The following UMODL1 variants were observed in gnomAD, a reference collection of about 807,000 sequenced individuals.
UMODL1 encodes uromodulin like 1.
Under a neutral mutation model 136.3 loss-of-function variants are expected in UMODL1, and 128 were observed. The ratio of observed to expected loss-of-function variants is 0.94; its 90% CI spans 0.81 to 1.09. The LOEUF (loss-of-function observed/expected upper bound fraction) is 1.09. Among genes scored for constraint, UMODL1 ranks in the 50% least tolerant of loss-of-function variants. The pLI, the probability that UMODL1 is intolerant of heterozygous loss-of-function variation, is 0.00. For missense variants in UMODL1, 1,766 were observed against 1,725.6 expected (o/e 1.02, Z -0.41); for synonymous variants, 721 against 720.0 (o/e 1.00, Z -0.02).
At chr21:42,069,155 C>T (rs763084298), upstream of UMODL1, among the ~76,000 whole-genome samples, 6 of 151,248 alleles carry the variant, frequency 4.0e-5, no homozygotes, top group Non-Finnish European at 8.8e-5. Flanking sequence ...AAAATCCCTC[C>T]GGCCATCATG....
chr21:42,139,441 T>C (rs2067249971), intron 22 of UMODL1, among the ~76,000 whole-genome samples: 1 of 152,140 alleles, frequency 6.6e-6, no homozygotes, highest in Non-Finnish European at 1.5e-5. Flanking sequence ...TGCTAAATCA[T>C]TTATGAAGGA....
chr21:42,071,217 C>T, upstream of UMODL1: 3 of 1,273,558 alleles, frequency 2.4e-6, no homozygotes, highest in Non-Finnish European at 3.1e-6. Flanking sequence ...GGCCGTTTCT[C>T]CAGGTCCAGG....
chr21:42,079,442 C>T (rs2066334675), intron 2 of UMODL1, among the ~76,000 whole-genome samples: 1 of 152,168 alleles, frequency 6.6e-6, no homozygotes, highest in African/African-American at 2.4e-5. Context: ...AGTGGGCTGC[C>T]CTGGGGAGCT....
intron 21 of UMODL1, among the ~76,000 whole-genome samples, chr21:42,134,980 A>G (rs866256493): frequency 6.6e-6 from 1 of 152,158 alleles, no homozygotes; most frequent in Non-Finnish European, 1.5e-5. Context: ...AGGTTGTTAC[A>G]TAGGTGTACA....
intron 12 of UMODL1, 152 bp downstream of exon 12, chr21:42,111,862 C>A: frequency 1.2e-6 from 1 of 820,338 alleles, no homozygotes; most frequent in Non-Finnish European, 1.8e-6. Context: ...AACGGAGGCA[C>A]CCAGCAGCTG....
intron 21 of UMODL1, among the ~76,000 whole-genome samples, chr21:42,131,013 C>T (rs1013638473): frequency 6.6e-6 from 1 of 152,116 alleles, no homozygotes; most frequent in Admixed American, 6.5e-5. Context: ...CGGAGTTTCA[C>T]TGTGTTAGCC....
In UMODL1 at chr21:42,076,058, A is replaced by G. The variant is rs199664763; in HGVS notation, c.130A>G (p.Thr44Ala). The change falls in exon 2 of 23, where the codon ACT becomes GCT. Residue 44 changes from threonine to alanine, a missense_variant. By Grantham distance (58) the Thr-to-Ala change is moderately conservative. Transcript: ENST00000408910. ...GCTATGCAGCCACCGTGTGACCCAC[A>G]CTGTACAGAAGGTGGAGGCCGTGCA... The part of the protein sequence containing the change: ...YQLCSHRVTH[T>A]VQKVEAVQTS... The G allele has an allele frequency of 6.2e-6, 10 of 1,614,214 alleles. No individual in the cohort carries two copies. In the East Asian group the frequency reaches 2.2e-4, roughly 36 times the overall value.
At chr21:42,084,751 T>A (rs2066405653) in intron 3 of UMODL1, among the ~76,000 whole-genome samples, 1 of 150,254 alleles carries the variant, frequency 6.7e-6, no homozygotes, top group South Asian at 2.1e-4. Context: ...TACATATTAT[T>A]TAATATTTAA....
At position 42,142,893 on chromosome 21, in the gene UMODL1, T is replaced by TA. The variant is rs2067301864; in HGVS notation, c.*823dup. The stretch of plus-strand genomic sequence containing the variant: ...GAATGAATTAGCAAGAAAATGGTTC[T>TA]AAAATCTAAGTATTTTAGTCTAGAA... On this transcript the variant is annotated 3_prime_UTR_variant, in exon 23 of 23. Transcript: ENST00000408910. The TA allele has an allele frequency of 6.6e-6, 1 of 152,254 alleles. No individual in the cohort carries two copies. The highest frequency in any genetic ancestry group is 1.5e-5 in the Non-Finnish European group (1 of 68,048). The allele number at this position is 152,254 out of a possible 1,614,324, so 9.4% of individuals were successfully genotyped here.
chr21:42,134,030 G>A (rs1288715087), intron 21 of UMODL1, among the ~76,000 whole-genome samples: 3 of 152,182 alleles, frequency 2.0e-5, no homozygotes, highest in Admixed American at 1.3e-4. Flanking sequence ...CGATTCTCCT[G>A]TCTCGGCCTC....
chr21:42,095,474 G>A (rs753659070), intron 6 of UMODL1, among the ~76,000 whole-genome samples: 1 of 103,580 alleles, frequency 9.7e-6, no homozygotes, highest in Non-Finnish European at 2.0e-5. Context: ...GTGTGTGTGT[G>A]TGTCTGTGTA....
intron 22 of UMODL1, among the ~76,000 whole-genome samples, chr21:42,140,439 C>T (rs1474995484): frequency 6.6e-6 from 1 of 151,928 alleles, no homozygotes; most frequent in Admixed American, 6.6e-5. Context: ...GGATAGGCCT[C>T]CCAGGTCACA....
chr21:42,140,332 C>T (rs1258032190), intron 22 of UMODL1, among the ~76,000 whole-genome samples: 1 of 111,572 alleles, frequency 9.0e-6, no homozygotes, highest in Admixed American at 9.0e-5. Context: ...AGGTCCAGGG[C>T]AAGAAGGGAT....
At chr21:42,109,766 G>A (rs1041201987) in intron 10 of UMODL1, 67 bp downstream of exon 10, 16 of 1,562,340 alleles carry the variant, frequency 1.0e-5, no homozygotes, top group African/African-American at 9.5e-5. Context: ...GTGGGGCAAA[G>A]CCCAATTCTC....
intron 21 of UMODL1, among the ~76,000 whole-genome samples, chr21:42,132,650 A>G (rs76957435): frequency 0.04 from 6,026 of 152,174 alleles, 230 homozygotes; most frequent in East Asian, 0.22. Context: ...TCATTCATCT[A>G]CTATGTTTCA....
rs200904992 is a variant in UMODL1, at chr21:42,137,615, G to A, written c.3952G>A (p.Glu1318Lys). 1.6e-4 allele frequency: 254 copies of A among 1,604,594 alleles called. No homozygotes were observed. The highest frequency in any genetic ancestry group is 1.7e-4 in the Admixed American group (10 of 59,544). ...SNNFSYQVFY[E>K] Reference sequence around the variant, plus strand: ...CAACTTCAGCTACCAGGTGTTCTACGAATAGGAGGCGCAGGCTGACAGGAA... The same window carrying A: ...CAACTTCAGCTACCAGGTGTTCTACAAATAGGAGGCGCAGGCTGACAGGAA... Residue 1318 changes from glutamate (E) to lysine (K), a missense_variant, in exon 22 of 23, where the codon GAA (glutamate) becomes AAA (lysine). Transcript: ENST00000408910.
chr21:42,116,172 CAAAAA>C (rs56162491), intron 14 of UMODL1, among the ~76,000 whole-genome samples, 187 bp downstream of exon 14: 98 of 75,046 alleles, frequency 1.3e-3, no homozygotes, highest in African/African-American at 5.0e-3. Flanking sequence ...CCATCTCCAC[CAAAAA>C]AAAAAAAAAA....
chr21:42,070,677 T>A (rs916869780), upstream of UMODL1, among the ~76,000 whole-genome samples: 6 of 152,236 alleles, frequency 3.9e-5, no homozygotes, highest in African/African-American at 1.2e-4. Flanking sequence ...TAATAATTAC[T>A]CTCCCACTCT....
At chr21:42,121,368 CGT>C (rs60666132) in intron 16 of UMODL1, 144 bp downstream of exon 16, 140,253 of 686,020 alleles carry the variant, frequency 0.2, 10,283 homozygotes, top group East Asian at 0.25. Flanking sequence ...TGTGGGTGCA[CGT>C]GTGTGTGTGT....
Sources: allele counts gnomAD v4.1 joint callset (sites outside exome capture counted in the v4.1 genomes callset), GRCh38; gene constraint gnomAD v4.1.1; transcripts MANE v1.5; gene names NCBI Gene and HGNC (gene_info 2026-07-23, HGNC 2026-07-21).